IQGAP2: variants seen among roughly 807,000 people sequenced by gnomAD.
IQGAP2 encodes the protein IQ motif containing GTPase activating protein 2.
A neutral mutation model predicts 201.3 loss-of-function variants in IQGAP2; 173 were observed. The observed-to-expected ratio is 0.86, with a 90% CI of 0.76 to 0.98. The LOEUF (loss-of-function observed/expected upper bound fraction) is 0.98, where lower values mean the gene tolerates loss of function less well. Ranked by LOEUF, IQGAP2 falls within the 50% of genes least tolerant of loss-of-function variation. The pLI is 0.00. For synonymous variants in IQGAP2, 675 were observed against 673.9 expected (o/e 1.00, Z -0.03); for missense variants, 1,687 against 1,864.8 (o/e 0.90, Z 1.76).
At chr5:76,478,858 A>G (rs1467379522) in intron 2 of IQGAP2, among the ~76,000 whole-genome samples, 1 of 152,184 alleles carries the variant, frequency 6.6e-6, no homozygotes, top group African/African-American at 2.4e-5. Context: ...ACATGACCGC[A>G]CTAGGTGCTG....
chr5:76,555,221 G>C (rs1396005241), intron 2 of IQGAP2, among the ~76,000 whole-genome samples: 1 of 152,164 alleles, frequency 6.6e-6, no homozygotes, highest in African/African-American at 2.4e-5. Flanking sequence ...TGATAATGAT[G>C]ATGGTCTTTC....
Position 76,603,862 on chromosome 5 carries a change from G to A in IQGAP2, c.1233-2317G>A, listed in dbSNP as rs150774744. The stretch of plus-strand genomic sequence containing the variant: ...AGAACTGAGAGGAGTGAGAGGAGAG[G>A]ACATTGACCTGTTTGGGGAAACTAC... On this transcript the variant is annotated intron_variant, in intron 11 of 35. Transcript: ENST00000274364. Among the ~76,000 whole-genome samples the A allele has an allele frequency of 7.5e-3, 1,143 of 152,278 alleles. 8 individuals carry two copies. Among genetic ancestry groups the A allele is most frequent in the Non-Finnish European group, 0.012 (829 of 68,030 alleles).
intron 13 of IQGAP2, 75 bp downstream of exon 13, chr5:76,611,258 C>G (rs1462423721): frequency 1.1e-5 from 12 of 1,135,136 alleles, no homozygotes; most frequent in Non-Finnish European, 1.5e-5. Context: ...GAGGATTTGA[C>G]CCATTTACGT....
intron 1 of IQGAP2, among the ~76,000 whole-genome samples, chr5:76,433,410 G>GC (rs1259385768): frequency 6.6e-6 from 1 of 152,100 alleles, no homozygotes; most frequent in African/African-American, 2.4e-5. Flanking sequence ...CCATAGGGTG[G>GC]CCCTCTCTTA....
Position 76,679,276 on chromosome 5 carries a change from T to C in IQGAP2, c.3660+1926T>C, listed in dbSNP as rs560067996. Among the ~76,000 whole-genome samples, 6 of 152,232 alleles carry C rather than the reference T, an allele frequency of 3.9e-5. No individual in the cohort carries two copies. In the South Asian group the frequency reaches 1.2e-3, roughly 31 times the overall value. The stretch of plus-strand genomic sequence containing the variant: ...ATTAATTTAGAAGTCTTAGAAGTCT[T>C]TAAGGAGAAATAGTCTGTTCTTTTG... On this transcript the variant is annotated intron_variant, in intron 28 of 35. Coordinates refer to ENST00000274364, the MANE Select transcript of IQGAP2 (RefSeq NM_006633.5).
rs577616370 is a variant in IQGAP2, at chr5:76,640,588, G to C, written c.1924-345G>C. 5.3e-5 allele frequency among the ~76,000 whole-genome samples: 8 copies of C among 152,276 alleles called. No homozygotes were observed. In the South Asian group the frequency reaches 1.7e-3, roughly 32 times the overall value. On this transcript the variant is annotated intron_variant, in intron 16 of 35. Transcript: ENST00000274364. ...TGGCAGTCCGAGGGAAGCGGGAGGT[G>C]ATGCATGTTTTTACAGCAAGCATCC...
intron 2 of IQGAP2, among the ~76,000 whole-genome samples, chr5:76,492,371 C>A: frequency 6.6e-6 from 1 of 152,166 alleles, no homozygotes; most frequent in Middle Eastern, 3.4e-3. Flanking sequence ...TTGCTGGTAG[C>A]GGTCAGAGGC....
intron 29 of IQGAP2, 27 bp downstream of exon 29, chr5:76,683,244 C>T: frequency 6.5e-7 from 1 of 1,542,150 alleles, no homozygotes; most frequent in South Asian, 1.2e-5. Flanking sequence ...TCTACTTATC[C>T]CTTGGTTTTT....
chr5:76,582,106 A>C (rs900330557), intron 5 of IQGAP2, among the ~76,000 whole-genome samples: 1 of 152,218 alleles, frequency 6.6e-6, no homozygotes, highest in Admixed American at 6.5e-5. Context: ...TTTTATCACC[A>C]AGGCAGTTGA....
chr5:76,659,333 T>A (rs1743046589), intron 21 of IQGAP2, among the ~76,000 whole-genome samples: 1 of 152,226 alleles, frequency 6.6e-6, no homozygotes, highest in Non-Finnish European at 1.5e-5. Flanking sequence ...GCACACATTT[T>A]ATTGAGAAAA....
At chr5:76,506,720 T>C (rs1757624077) in intron 2 of IQGAP2, among the ~76,000 whole-genome samples, 1 of 152,174 alleles carries the variant, frequency 6.6e-6, no homozygotes, top group South Asian at 2.1e-4. Flanking sequence ...TTCCTATATA[T>C]TAGCAATGAA....
At chr5:76,510,533 G>A (rs763877441) in intron 2 of IQGAP2, 1 of 420,288 alleles carries the variant, frequency 2.4e-6, no homozygotes, top group Non-Finnish European at 4.8e-6. Flanking sequence ...GCTGCCATCT[G>A]TGCTGGACCC....
Position 76,606,369 on chromosome 5 carries a change from T to C in IQGAP2, c.1357+66T>C, listed in dbSNP as rs1747805249. 9 of 1,409,234 alleles carry C rather than the reference T, an allele frequency of 6.4e-6. No homozygotes were observed. The South Asian group carries it at 1.3e-4, about 20-fold the overall frequency. The allele number at this position is 1,409,234 out of a possible 1,614,324, so 87.3% of individuals were successfully genotyped here. On this transcript the variant is annotated intron_variant, in intron 12 of 35. Coordinates refer to ENST00000274364, the MANE Select transcript of IQGAP2 (RefSeq NM_006633.5). ...AGAAGGTATCTGGACAACTTAGTTT[T>C]CTAGATTAGGGCTTTAAGTTTTTGC...
At chr5:76,561,348 C>T (rs934444762) in intron 2 of IQGAP2, among the ~76,000 whole-genome samples, 2 of 152,136 alleles carry the variant, frequency 1.3e-5, no homozygotes, top group African/African-American at 4.8e-5. Context: ...ACAAGCAGTT[C>T]AGACATATTA....
At chr5:76,549,575 A>G (rs1743310192) in intron 2 of IQGAP2, among the ~76,000 whole-genome samples, 1 of 152,096 alleles carries the variant, frequency 6.6e-6, no homozygotes, top group Non-Finnish European at 1.5e-5. Context: ...ACAAAATACC[A>G]CAGATTGGGA....
chr5:76,430,710 T>C (rs968278276), intron 1 of IQGAP2, among the ~76,000 whole-genome samples: 2 of 152,172 alleles, frequency 1.3e-5, no homozygotes, highest in Non-Finnish European at 2.9e-5. Flanking sequence ...ACATAAGCCA[T>C]TTCATGCTAC....
intron 10 of IQGAP2, among the ~76,000 whole-genome samples, chr5:76,598,857 A>G (rs1747222215): frequency 6.6e-6 from 1 of 152,234 alleles, no homozygotes; most frequent in African/African-American, 2.4e-5. Flanking sequence ...AATATGTGCA[A>G]CCAGTAAAAA....
At chr5:76,626,599 C>T (rs1425049700) in intron 13 of IQGAP2, among the ~76,000 whole-genome samples, 4 of 152,074 alleles carry the variant, frequency 2.6e-5, no homozygotes, top group South Asian at 2.1e-4. Flanking sequence ...GTCTCTTACA[C>T]TACATTGTTA....
At chr5:76,533,965 T>C (rs1046155215) in intron 2 of IQGAP2, among the ~76,000 whole-genome samples, 1 of 152,240 alleles carries the variant, frequency 6.6e-6, no homozygotes, top group Non-Finnish European at 1.5e-5. Context: ...CTTTGGGAAA[T>C]TGGACTACAT....
Sources: allele counts gnomAD v4.1 joint callset (sites outside exome capture counted in the v4.1 genomes callset), GRCh38; gene constraint gnomAD v4.1.1; transcripts MANE v1.5; gene names NCBI Gene and HGNC (gene_info 2026-07-23, HGNC 2026-07-21).